Variants in SHANK1 observed in about 807,000 individuals in gnomAD.
SHANK1 encodes the protein SH3 and multiple ankyrin repeat domains 1.
Under a neutral mutation model 165.6 loss-of-function variants are expected in SHANK1, and 35 were observed. That is an observed-to-expected ratio of 0.21 (90% CI 0.16 to 0.28). SHANK1 has a LOEUF of 0.28. Ranked by LOEUF, SHANK1 falls within the 10% of genes least tolerant of loss-of-function variation. The pLI is 1.00. For synonymous variants in SHANK1, 1,428 were observed against 1,384.8 expected (o/e 1.03, Z -0.69); for missense variants, 2,681 against 3,036.4 (o/e 0.88, Z 2.75).
At chr19:50,700,608 G>A (rs992169761) in intron 12 of SHANK1, among the ~76,000 whole-genome samples, 20 of 152,052 alleles carry the variant, frequency 1.3e-4, no homozygotes, top group Non-Finnish European at 1.2e-4. Context: ...GCTGTGTGAA[G>A]CTCAGTGACA....
Position 50,666,543 on chromosome 19 carries a change from G to A in SHANK1, c.5417C>T (p.Pro1806Leu), listed in dbSNP as rs1433344069. 7 of 1,596,606 alleles carry A rather than the reference G, an allele frequency of 4.4e-6. No homozygotes were observed. The East Asian group carries it at 1.4e-4, about 31-fold the overall frequency. The change falls in exon 23 of 24, where the codon CCC (proline) becomes CTC (leucine). Residue 1806 changes from proline to leucine, a missense_variant. Physicochemically the swap from Pro to Leu is moderately conservative, Grantham distance 98. Coordinates refer to ENST00000293441, the MANE Select transcript of SHANK1 (RefSeq NM_016148.5). Reference protein sequence around the residue: ...GLLALRACSGPPTAGVAGGPV... With the variant: ...GLLALRACSGLPTAGVAGGPV... ...ACCCCCCGCCACGCCTGCCGTGGGG[G>A]GTCCTGAACAAGCACGCAGGGCCAG...
chr19:50,687,081 A>C, intron 19 of SHANK1: 1 of 1,373,942 alleles, frequency 7.3e-7, no homozygotes. Flanking sequence ...AAGAGTTAGG[A>C]CGTCAGGGGA....
At chr19:50,687,052 G>T in intron 19 of SHANK1, 1 of 1,471,808 alleles carries the variant, frequency 6.8e-7, no homozygotes, top group Non-Finnish European at 9.0e-7. Flanking sequence ...TAGCCCGGGG[G>T]AGAGGCAGTA....
chr19:50,705,274 G>A (rs755617469), intron 8 of SHANK1, among the ~76,000 whole-genome samples: 9 of 151,936 alleles, frequency 5.9e-5, no homozygotes, highest in Non-Finnish European at 1.2e-4. Context: ...CCCAGGAGGT[G>A]GAGGTTGCAG....
chr19:50,699,132 G>A (rs1986827904), intron 12 of SHANK1, among the ~76,000 whole-genome samples: 2 of 152,230 alleles, frequency 1.3e-5, no homozygotes, highest in South Asian at 4.1e-4. Context: ...CAAATGAGGG[G>A]AAGCTGAAAG....
rs1322922797 is a variant in SHANK1, at chr19:50,659,934, ACCCCTCC to A, written c.*2024_*2030del. 7.6e-6 allele frequency among the ~76,000 whole-genome samples: 1 copy of A among 131,230 alleles called. No individual in the cohort carries two copies. The highest frequency in any genetic ancestry group is 7.5e-5 in the Admixed American group (1 of 13,298). 86.1% of individuals were successfully genotyped at this position (131,230 alleles called of 152,430 possible). On this transcript the variant is annotated 3_prime_UTR_variant, in exon 24 of 24. Coordinates refer to ENST00000293441, the MANE Select transcript of SHANK1 (RefSeq NM_016148.5). Reference sequence around the variant, plus strand: ...GCGCGGCCTCTGCCCCTCTCTCACCACCCCTCCCCCCTCCCACGACCCTCCCACGAGG... The same window carrying A: ...GCGCGGCCTCTGCCCCTCTCTCACCACCCCTCCCACGACCCTCCCACGAGG...
In SHANK1 at chr19:50,690,995, C is replaced by A. The variant is rs1330497023; in HGVS notation, c.1965-1716G>T. 3.9e-5 allele frequency among the ~76,000 whole-genome samples: 6 copies of A among 152,130 alleles called. No homozygotes were observed. The highest frequency in any genetic ancestry group is 1.5e-5 in the Non-Finnish European group (1 of 68,020). ...CTTCCTGCTGCCACCCTCCTTGTGG[C>A]ACCTCAGTGCACCTAACACCACGCA... On this transcript the variant is annotated intron_variant, in intron 15 of 23. Transcript: ENST00000293441. The surrounding 1 kb of genome is among the most constrained non-coding windows in gnomAD (Gnocchi z 4.9).
chr19:50,669,022 C>A lies in SHANK1; in HGVS notation c.2938G>T (p.Val980Leu). Residue 980 changes from valine (V) to leucine (L), a missense_variant, in exon 23 of 24, where the codon GTG becomes TTG. Physicochemically the swap from Val to Leu is conservative, Grantham distance 32. This residue lies in a region of SHANK1 where 1,713 missense variants were observed against 1,630.2 expected (regional missense o/e 1.05). Transcript: ENST00000293441. ...FDGPSPPDTR[V>L]GSREKSLYHS... is the part of the protein sequence containing the mutation. Reference sequence around the variant, plus strand: ...TACAGGCTCTTCTCGCGGCTCCCCACGCGAGTGTCGGGAGGGGAGGGCCCG... The same window carrying A: ...TACAGGCTCTTCTCGCGGCTCCCCAAGCGAGTGTCGGGAGGGGAGGGCCCG... The A allele has an allele frequency of 2.4e-6, 2 of 848,190 alleles. No individual in the cohort carries two copies. Among genetic ancestry groups the A allele is most frequent in the Non-Finnish European group, 3.5e-6 (2 of 569,686 alleles). 52.5% of individuals were successfully genotyped at this position (848,190 alleles called of 1,614,324 possible).
chr19:50,673,453 C>T (rs1453891982), intron 21 of SHANK1, among the ~76,000 whole-genome samples: 4 of 152,150 alleles, frequency 2.6e-5, no homozygotes, highest in East Asian at 3.8e-4. Context: ...CTGGTTCTCT[C>T]GGCAACAGCT....
Position 50,662,405 on chromosome 19 carries a change from T to G in SHANK1, c.6046A>C (p.Arg2016=), listed in dbSNP as rs1985284193. The change falls in exon 24 of 24, where the codon AGG becomes CGG. Residue 2016 remains arginine (R), a synonymous_variant. Transcript: ENST00000293441. The surrounding 1 kb of genome is among the most constrained non-coding windows in gnomAD (Gnocchi z 7.7). The part of the protein sequence containing the change: ...ASEHKVSPAP[R]PSSLPILPSG... ...GGCAGGATGGGCAGGGACGAGGGCCTGGGCGCAGGGCTGACCTTGTGCTCC... is the reference window on the plus strand; with the variant it reads ...GGCAGGATGGGCAGGGACGAGGGCCGGGGCGCAGGGCTGACCTTGTGCTCC... 1 of 1,565,980 alleles carries G rather than the reference T, an allele frequency of 6.4e-7. No individual in the cohort carries two copies. Among genetic ancestry groups the G allele is most frequent in the African/African-American group, 1.4e-5 (1 of 73,844 alleles).
intron 15 of SHANK1, chr19:50,689,514 C>A: frequency 1.5e-6 from 1 of 655,964 alleles, no homozygotes; most frequent in Non-Finnish European, 2.7e-6. Context: ...ATTCATCCAT[C>A]CATGCATCCA....
rs2089110038 is a variant in SHANK1 at position 50,719,460 on chromosome 19, T to TC, written c.-99dup. On this transcript the variant is annotated 5_prime_UTR_variant, in exon 1 of 24. Coordinates refer to ENST00000293441, the MANE Select transcript of SHANK1 (RefSeq NM_016148.5). ...GGCGGCGCCCGCGGCCCCTCCCCCC[T>TC]CCCCCCACCCCCCACCCCCCCGGAG... 3 of 25,688 alleles carry TC rather than the reference T, an allele frequency of 1.2e-4. No homozygotes were observed. The highest frequency in any genetic ancestry group is 2.3e-4 in the Non-Finnish European group (3 of 12,994). 1.6% of individuals were successfully genotyped at this position (25,688 alleles called of 1,614,324 possible).
Position 50,659,340 on chromosome 19 carries a change from C to A in SHANK1, c.*2625G>T. 2.4e-6 allele frequency: 1 copy of A among 419,784 alleles called. No individual in the cohort carries two copies. Among genetic ancestry groups the A allele is most frequent in the Non-Finnish European group, 4.0e-6 (1 of 248,730 alleles). 26.0% of individuals were successfully genotyped at this position (419,784 alleles called of 1,614,324 possible). A position where few individuals can be genotyped will look rare whatever the true frequency, so the allele number is the denominator to read the frequency against. The stretch of plus-strand genomic sequence containing the variant: ...TCTCTGCAAAATCTTGGTGGGGAGT[C>A]AGGGGAAGGGAGGTGATGGGGGGTA... On this transcript the variant is annotated 3_prime_UTR_variant, in exon 24 of 24. Transcript: ENST00000293441.
At position 50,697,185 on chromosome 19, in the gene SHANK1, CCCCAATCCCA is replaced by C; in HGVS notation, c.1938-73_1938-64del. ...AGGTGTCAGTGCACCCATCTCCTCA[CCCCAATCCCA>C]CCCAGCCCTGACTGCACCCTCCCCA... On this transcript the variant is annotated intron_variant, in intron 14 of 23. Coordinates refer to ENST00000293441, the MANE Select transcript of SHANK1 (RefSeq NM_016148.5). This position sits in a 1 kb window ranked among gnomAD's most constrained non-coding sequence, Gnocchi z 4.7. 1.2e-6 allele frequency: 2 copies of C among 1,613,660 alleles called. No individual in the cohort carries two copies. The highest frequency in any genetic ancestry group is 8.5e-7 in the Non-Finnish European group (1 of 1,179,678).
intron 15 of SHANK1, among the ~76,000 whole-genome samples, chr19:50,692,537 G>A (rs1986574202): frequency 6.6e-6 from 1 of 150,680 alleles, no homozygotes; most frequent in Admixed American, 6.6e-5. Context: ...GACCCACCCT[G>A]TTCCTGCTTC....
rs948298435 is a variant in SHANK1, at chr19:50,662,573, G to A, written c.5878C>T (p.Pro1960Ser). The A allele has an allele frequency of 6.4e-7, 1 of 1,564,312 alleles. No homozygotes were observed. Among genetic ancestry groups the A allele is most frequent in the Non-Finnish European group, 8.7e-7 (1 of 1,153,922 alleles). The change falls in exon 24 of 24, where the codon CCT (proline) becomes TCT (serine). Residue 1960 changes from proline (P) to serine (S), a missense_variant. Pro to Ser is a moderately conservative substitution (Grantham distance 74, BLOSUM62 -1). Coordinates refer to ENST00000293441, the MANE Select transcript of SHANK1 (RefSeq NM_016148.5). This position sits in a 1 kb window ranked among gnomAD's most constrained non-coding sequence, Gnocchi z 7.7. Reference sequence around the variant, plus strand: ...GCCCCTGGGGCCGCAGCGGCTGTAGGGGAGACCCCTGTTCCGGTGGGGAGT... The same window carrying A: ...GCCCCTGGGGCCGCAGCGGCTGTAGAGGAGACCCCTGTTCCGGTGGGGAGT... ...PPLPTGTGVS[P>S]TAAAAPGATS...
At chr19:50,701,618 A>G (rs1463983604) in intron 12 of SHANK1, among the ~76,000 whole-genome samples, 1 of 152,156 alleles carries the variant, frequency 6.6e-6, no homozygotes, top group African/African-American at 2.4e-5. Flanking sequence ...GCCCAGAGAA[A>G]TCACTTGGCT....
chr19:50,715,629 A>G (rs749952503), intron 4 of SHANK1, 30 bp downstream of exon 4: 1 of 1,604,874 alleles, frequency 6.2e-7, no homozygotes, highest in East Asian at 2.2e-5. Context: ...AGGGGGCTAT[A>G]GGGGATAGAT....
chr19:50,678,744 G>A (rs1427416814), intron 21 of SHANK1, among the ~76,000 whole-genome samples: 1 of 115,366 alleles, frequency 8.7e-6, no homozygotes, highest in African/African-American at 3.9e-5. Context: ...AAACGGAGGG[G>A]TCAGGGTGAT....
Sources: gnomAD v4.1 joint callset for allele counts (sites outside exome capture counted in the v4.1 genomes callset) on GRCh38, gnomAD v4.1.1 for gene constraint, gnomAD v4.1.1 regional missense constraint, Gnocchi (gnomAD v3.1) non-coding constraint, MANE v1.5 for transcripts, NCBI Gene and HGNC (gene_info 2026-07-23, HGNC 2026-07-21) for gene names.